ICAM2: variants seen among roughly 807,000 people sequenced by gnomAD.
ICAM2 encodes the protein ICAM-2.
ICAM2 carries 14 observed loss-of-function variants against 19.1 expected under a neutral mutation model. That is an observed-to-expected ratio of 0.73 (90% CI 0.48 to 1.15). The LOEUF is 1.15. ICAM2 is among the 50% of genes most tolerant of loss of function. The probability of loss-of-function intolerance (pLI) is 0.00; values close to 1 mark genes in which losing one functional copy is unlikely to be tolerated. For synonymous variants in ICAM2, 153 were observed against 152.7 expected (o/e 1.00, Z -0.01); for missense variants, 311 against 355.4 (o/e 0.88, Z 1.00).
chr17:64,019,893 C>T (rs1225142463), intron 1 of ICAM2, among the ~76,000 whole-genome samples: 1 of 149,858 alleles, frequency 6.7e-6, no homozygotes. Context: ...TGCTGAGTGG[C>T]AGCTTCAGGT....
chr17:64,004,149 T>G, intron 3 of ICAM2, 185 bp from the exon 4 acceptor site: 1 of 574,724 alleles, frequency 1.7e-6, no homozygotes, highest in Non-Finnish European at 3.1e-6. Context: ...TGTGGTAGTT[T>G]TACAGACATG....
chr17:64,006,560 A>G (rs1378684163), intron 2 of ICAM2, 71 bp downstream of exon 2: 1 of 1,348,626 alleles, frequency 7.4e-7, no homozygotes, highest in African/African-American at 1.5e-5. Flanking sequence ...ACCTGAAGCC[A>G]CAGGGAACAG....
chr17:64,011,843 T>C (rs1303196702), intron 1 of ICAM2, among the ~76,000 whole-genome samples: 1 of 152,182 alleles, frequency 6.6e-6, no homozygotes, highest in Non-Finnish European at 1.5e-5. Flanking sequence ...ACAGCTGTTA[T>C]GGAAAATAGA....
chr17:64,014,376 A>AAAGAAAGAAAGG (rs1567849318), intron 1 of ICAM2, among the ~76,000 whole-genome samples: 4 of 55,408 alleles, frequency 7.2e-5, no homozygotes, highest in African/African-American at 2.4e-4. Flanking sequence ...AGAAAGAAAG[A>AAAGAAAGAAAGG]AAGGAAGGAA....
chr17:64,014,376 A>AAAGAAAGAAAGAAAGAAAGG (rs1567849318), intron 1 of ICAM2, among the ~76,000 whole-genome samples: 16 of 55,402 alleles, frequency 2.9e-4, no homozygotes, highest in African/African-American at 9.8e-4. Context: ...AGAAAGAAAG[A>AAAGAAAGAAAGAAAGAAAGG]AAGGAAGGAA....
intron 1 of ICAM2, among the ~76,000 whole-genome samples, chr17:64,008,150 T>G (rs1017614709): frequency 2.0e-5 from 3 of 152,204 alleles, no homozygotes; most frequent in African/African-American, 7.2e-5. Flanking sequence ...ATTGTCAGCC[T>G]GGACCCAGGG....
At chr17:64,017,604 T>C (rs1463422201) in intron 1 of ICAM2, among the ~76,000 whole-genome samples, 1 of 152,142 alleles carries the variant, frequency 6.6e-6, no homozygotes, top group East Asian at 1.9e-4. Flanking sequence ...ATTTTAAGGT[T>C]TATATGGAAG....
rs1048413423 is a variant in ICAM2, at chr17:64,002,928, G to A, written c.650-3C>T. On this transcript the variant is annotated splice_polypyrimidine_tract_variant and splice_region_variant and intron_variant, in intron 4 of 4. Coordinates refer to ENST00000579788, the MANE Select transcript of ICAM2 (RefSeq NM_001099789.2). ...CATCTGGCTGTCCGACACAGGCTCT[G>A]GGGAGGGAGGGGGCAAGGGTCTTAG... 9.9e-6 allele frequency: 16 copies of A among 1,612,664 alleles called. No individual in the cohort carries two copies. The highest frequency in any genetic ancestry group is 1.3e-5 in the Non-Finnish European group (15 of 1,179,232).
At chr17:64,019,953 CT>C (rs1250764440) in intron 1 of ICAM2, among the ~76,000 whole-genome samples, 1 of 151,510 alleles carries the variant, frequency 6.6e-6, no homozygotes, top group Non-Finnish European at 1.5e-5. Flanking sequence ...GTTACATAAG[CT>C]TTTTATGCGT....
At position 64,002,807 on chromosome 17, in the gene ICAM2, C is replaced by CCGCTGCT. The variant is rs1482729496; in HGVS notation, c.761_767dup (p.Met257AlafsTer50). 3.1e-6 allele frequency: 5 copies of CCGCTGCT among 1,613,698 alleles called. No individual in the cohort carries two copies. The highest frequency in any genetic ancestry group is 4.2e-6 in the Non-Finnish European group (5 of 1,179,994). Reference sequence around the variant, plus strand: ...CCGCTCGCACCCCGTAGGTGCCCATCCGCTGCTGGCGCAAGTGCTGGCCGA... The same window carrying CCGCTGCT: ...CCGCTCGCACCCCGTAGGTGCCCATCCGCTGCTCGCTGCTGGCGCAAGTGCTGGCCGA... On this transcript the variant is annotated frameshift_variant, in exon 5 of 5. Transcript: ENST00000579788. LOFTEE classifies it low-confidence loss of function (END_TRUNC).
In ICAM2 at chr17:64,002,623, A is replaced by G; in HGVS notation, c.*124T>C. ...GTCCAGGTGTTTGTATTCGGGCTAG[A>G]AAAGGCAATGTCCCAAGTCTCTGCT... On this transcript the variant is annotated 3_prime_UTR_variant, in exon 5 of 5. Transcript: ENST00000579788. The G allele has an allele frequency of 1.2e-6, 1 of 848,318 alleles. No individual in the cohort carries two copies. Among genetic ancestry groups the G allele is most frequent in the Non-Finnish European group, 1.8e-6 (1 of 551,264 alleles). 52.5% of individuals were successfully genotyped at this position (848,318 alleles called of 1,614,324 possible).
chr17:64,017,465 G>T (rs766822052), intron 1 of ICAM2, among the ~76,000 whole-genome samples: 5 of 152,040 alleles, frequency 3.3e-5, no homozygotes, highest in Non-Finnish European at 5.9e-5. Context: ...TAAATAAATG[G>T]AGAGATAACA....
intron 1 of ICAM2, among the ~76,000 whole-genome samples, chr17:64,017,712 G>T (rs1911769464): frequency 6.6e-6 from 1 of 152,174 alleles, no homozygotes; most frequent in South Asian, 2.1e-4. Flanking sequence ...GTTAGCGTAG[G>T]TATAGGCAAA....
Position 64,005,533 on chromosome 17 carries a change from C to T in ICAM2, c.62-160G>A, listed in dbSNP as rs112883550. Among the ~76,000 whole-genome samples, 664 of 152,190 alleles carry T rather than the reference C, an allele frequency of 4.4e-3. 5 individuals are homozygous for T. The highest frequency in any genetic ancestry group is 0.015 in the African/African-American group (615 of 41,524). ...TTCCCCTTGTCAGGTGTCATGGCCC[C>T]GGCTAGACCAGGAGGCCACCCCCCA... is the stretch of plus-strand genomic sequence containing the variant. On this transcript the variant is annotated intron_variant, in intron 2 of 4. Coordinates refer to ENST00000579788, the MANE Select transcript of ICAM2 (RefSeq NM_001099789.2).
At chr17:64,016,129 C>A (rs557323183) in intron 1 of ICAM2, among the ~76,000 whole-genome samples, 2 of 152,184 alleles carry the variant, frequency 1.3e-5, no homozygotes, top group South Asian at 4.1e-4. Flanking sequence ...ATATTAGAGG[C>A]CAGTTTCACT....
chr17:64,015,695 A>G (rs1334120564), intron 1 of ICAM2, among the ~76,000 whole-genome samples: 1 of 152,140 alleles, frequency 6.6e-6, no homozygotes, highest in Non-Finnish European at 1.5e-5. Flanking sequence ...AACCGAGATT[A>G]CGCCACTGTA....
chr17:64,012,508 G>A (rs1439388659), intron 1 of ICAM2, among the ~76,000 whole-genome samples: 1 of 152,176 alleles, frequency 6.6e-6, no homozygotes, highest in African/African-American at 2.4e-5. Context: ...GCTGAAGCAG[G>A]AGAATTGCTT....
chr17:64,012,525 G>A (rs980902015), intron 1 of ICAM2, among the ~76,000 whole-genome samples: 1 of 152,120 alleles, frequency 6.6e-6, no homozygotes, highest in Non-Finnish European at 1.5e-5. Flanking sequence ...GCTTGAACCC[G>A]GGAGGTGGAG....
At position 64,013,267 on chromosome 17, in the gene ICAM2, G is replaced by A. The variant is rs550065912; in HGVS notation, c.-44-6532C>T. On this transcript the variant is annotated intron_variant, in intron 1 of 4. Coordinates refer to ENST00000579788, the MANE Select transcript of ICAM2 (RefSeq NM_001099789.2). ...GCAGAGCTTGCAGTGAGTTGAGATC[G>A]CACCACTGCACTCTAGCCTGGGCAA... is the stretch of plus-strand genomic sequence containing the variant. Among the ~76,000 whole-genome samples, 16 of 152,256 alleles carry A rather than the reference G, an allele frequency of 1.1e-4. No homozygotes were observed. The East Asian group carries it at 1.9e-3, about 18-fold the overall frequency.
Sources: gnomAD v4.1 joint callset for allele counts (sites outside exome capture counted in the v4.1 genomes callset) on GRCh38, gnomAD v4.1.1 for gene constraint, MANE v1.5 for transcripts, NCBI Gene and HGNC (gene_info 2026-07-23, HGNC 2026-07-21) for gene names.